The following TNFRSF18 variants were observed in gnomAD, a reference collection of about 807,000 sequenced individuals.
TNFRSF18 encodes TNF receptor superfamily member 18, also known as tumor necrosis factor receptor superfamily member 18.
A neutral mutation model predicts 30.2 loss-of-function variants in TNFRSF18; 36 were observed. The observed-to-expected ratio is 1.19, with a 90% confidence interval of 0.91 to 1.58. The LOEUF (loss-of-function observed/expected upper bound fraction) is 1.58, where lower values mean the gene tolerates loss of function less well. TNFRSF18 is among the 40% of genes most tolerant of loss of function. The probability of loss-of-function intolerance (pLI) is 0.00; values close to 1 mark genes in which losing one functional copy is unlikely to be tolerated. For synonymous variants in TNFRSF18, 173 were observed against 158.3 expected (o/e 1.09, Z -0.70); for missense variants, 369 against 345.4 (o/e 1.07, Z -0.54).
At chr1:1,205,322 T>C (rs1648761816) in intron 2 of TNFRSF18, 48 bp downstream of exon 2, 2 of 1,590,548 alleles carry the variant, frequency 1.3e-6, no homozygotes, top group Non-Finnish European at 1.7e-6. Flanking sequence ...CGGGCCCTAG[T>C]GGAACCCCTG....
rs144800430 is a variant in TNFRSF18 at position 1,203,871 on chromosome 1, C to A, written c.699G>T (p.Lys233Asn). ...EERGERSAEE[K>N]GRLGDLWV ...ACACCCACAGGTCTCCCAGCCGCCC[C>A]TTCTCCTCTGCCGATCGCTCGCCCC... Residue 233 changes from lysine (K) to asparagine (N), a missense_variant, in exon 5 of 5, where the codon AAG becomes AAT. Transcript: ENST00000379268. 1.2e-6 allele frequency: 2 copies of A among 1,601,288 alleles called. No homozygotes were observed. Among genetic ancestry groups the A allele is most frequent in the East Asian group, 2.2e-5 (1 of 44,630 alleles).
At position 1,206,470 on chromosome 1, in the gene TNFRSF18, G is replaced by A. The variant is rs1262875947; in HGVS notation, c.102C>T (p.Cys34=). 5.2e-6 allele frequency: 8 copies of A among 1,546,284 alleles called. No homozygotes were observed. The highest frequency in any genetic ancestry group is 3.6e-5 in the South Asian group (3 of 83,900). ...LGQRPTGGPG[C]GPGRLLLGTG... ...TCCCAAGCAGGAGGCGCCCAGGGCC[G>A]CACCCGGGACCCCCGGTGGGGCGCT... Residue 34 remains cysteine, a synonymous_variant, in exon 1 of 5, where the codon TGC becomes TGT. Coordinates refer to ENST00000379268, the MANE Select transcript of TNFRSF18 (RefSeq NM_004195.3).
intron 1 of TNFRSF18, 93 bp downstream of exon 1, chr1:1,206,292 G>A (rs1192169725): frequency 6.3e-6 from 9 of 1,424,094 alleles, no homozygotes; most frequent in Non-Finnish European, 6.6e-6. Flanking sequence ...CCTCAGCAAC[G>A]CCGGTCTGAG....
rs767908776 is a variant in TNFRSF18, at chr1:1,206,316, G to A, written c.187+69C>T. 2.7e-6 allele frequency: 4 copies of A among 1,504,540 alleles called. No individual in the cohort carries two copies. In the African/African-American group the frequency reaches 4.2e-5, roughly 16 times the overall value. The allele number at this position is 1,504,540 out of a possible 1,614,324, so 93.2% of individuals were successfully genotyped here. A position where few individuals can be genotyped will look rare whatever the true frequency, so the allele number is the denominator to read the frequency against. On this transcript the variant is annotated intron_variant, in intron 1 of 4. Coordinates refer to ENST00000379268, the MANE Select transcript of TNFRSF18 (RefSeq NM_004195.3). The stretch of plus-strand genomic sequence containing the variant: ...CGCCGGTCTGAGCACGGGAAGGGGG[G>A]CGCCCACCCATCCCGGCTTCCGCGG...
chr1:1,205,670 C>T (rs570460766), intron 1 of TNFRSF18, 178 bp from the exon 2 acceptor site: 2 of 673,702 alleles, frequency 3.0e-6, no homozygotes, highest in African/African-American at 3.6e-5. Flanking sequence ...GTCTCTTTCT[C>T]CTGGGGCCAT....
Position 1,206,536 on chromosome 1 carries a change from G to T in TNFRSF18, c.36C>A (p.Ala12=). The T allele has an allele frequency of 6.6e-7, 1 of 1,524,834 alleles. No homozygotes were observed. Among genetic ancestry groups the T allele is most frequent in the Non-Finnish European group, 8.8e-7 (1 of 1,139,276 alleles). The allele number at this position is 1,524,834 out of a possible 1,614,324, so 94.5% of individuals were successfully genotyped here. A position where few individuals can be genotyped will look rare whatever the true frequency, so the allele number is the denominator to read the frequency against. ...AQHGAMGAFR[A]LCGLALLCAL... is the part of the protein sequence containing the mutation. ...CGCACAGCAGCGCCAGGCCGCACAGGGCCCGAAACGCGCCCATCGCCCCGT... is the reference window on the plus strand; with the variant it reads ...CGCACAGCAGCGCCAGGCCGCACAGTGCCCGAAACGCGCCCATCGCCCCGT... The change falls in exon 1 of 5, where the codon GCC becomes GCA. Residue 12 remains alanine, a synonymous_variant. Transcript: ENST00000379268.
In TNFRSF18 at chr1:1,205,410, C is replaced by A; in HGVS notation, c.270G>T (p.Arg90=). ...HCGDPCCTTC[R]HHPCPPGQGV... ...CCTGGCCTGGGGGACAAGGGTGGTG[C>A]CGGCAGGTCGTGCAGCAAGGGTCTC... Residue 90 remains arginine (R), a synonymous_variant, in exon 2 of 5, where the codon CGG becomes CGT. Coordinates refer to ENST00000379268, the MANE Select transcript of TNFRSF18 (RefSeq NM_004195.3). 1 of 1,612,628 alleles carries A rather than the reference C, an allele frequency of 6.2e-7. No homozygotes were observed. The highest frequency in any genetic ancestry group is 8.5e-7 in the Non-Finnish European group (1 of 1,179,838).
In TNFRSF18 at chr1:1,203,805, G is replaced by T. The variant is rs373559924; in HGVS notation, c.*39C>A. ...TGCGGCCTGGGGAGCTCCTGGGGAG[G>T]GGCTGGCTGCGGTCGGTGGCCCCGG... is the stretch of plus-strand genomic sequence containing the variant. On this transcript the variant is annotated 3_prime_UTR_variant, in exon 5 of 5. Transcript: ENST00000379268. 3.2e-6 allele frequency: 5 copies of T among 1,575,144 alleles called. No individual in the cohort carries two copies. The highest frequency in any genetic ancestry group is 4.3e-6 in the Non-Finnish European group (5 of 1,166,908).
Position 1,204,234 on chromosome 1 carries a change from C to T in TNFRSF18, c.401G>A (p.Cys134Tyr). The T allele has an allele frequency of 6.2e-7, 1 of 1,610,204 alleles. No homozygotes were observed. Among genetic ancestry groups the T allele is most frequent in the African/African-American group, 1.3e-5 (1 of 74,992 alleles). ...HEGHCKPWTDCTQFGFLTVFP... is the reference protein window; with the variant it reads ...HEGHCKPWTDYTQFGFLTVFP... ...CACAGTGAGAAACCCGAACTGGGTGCAGCTGGAATACATGGACGCGGCCTC... is the reference window on the plus strand; with the variant it reads ...CACAGTGAGAAACCCGAACTGGGTGTAGCTGGAATACATGGACGCGGCCTC... Residue 134 changes from cysteine (C) to tyrosine (Y), a missense_variant and splice_region_variant, in exon 4 of 5, where the codon TGC becomes TAC. By Grantham distance (194) the Cys-to-Tyr change is radical. Coordinates refer to ENST00000379268, the MANE Select transcript of TNFRSF18 (RefSeq NM_004195.3).
chr1:1,204,588 G>T, intron 2 of TNFRSF18, 102 bp from the exon 3 acceptor site: 1 of 855,664 alleles, frequency 1.2e-6, no homozygotes, highest in Non-Finnish European at 1.9e-6. Context: ...TGGGGTCTGG[G>T]TGCTGAGTAG....
chr1:1,203,824 G>T lies in TNFRSF18; in HGVS notation c.*20C>A. On this transcript the variant is annotated 3_prime_UTR_variant, in exon 5 of 5. Coordinates refer to ENST00000379268, the MANE Select transcript of TNFRSF18 (RefSeq NM_004195.3). Reference sequence around the variant, plus strand: ...GGGGAGGGGCTGGCTGCGGTCGGTGGCCCCGGAGGACGGCCAGGCTCACAC... The same window carrying T: ...GGGGAGGGGCTGGCTGCGGTCGGTGTCCCCGGAGGACGGCCAGGCTCACAC... 1 of 1,584,316 alleles carries T rather than the reference G, an allele frequency of 6.3e-7. No individual in the cohort carries two copies.
In TNFRSF18 at chr1:1,206,556, C is replaced by T; in HGVS notation, c.16G>A (p.Ala6Thr). 2 of 1,514,232 alleles carry T rather than the reference C, an allele frequency of 1.3e-6. No individual in the cohort carries two copies. The highest frequency in any genetic ancestry group is 1.3e-5 in the South Asian group (1 of 77,654). 93.8% of individuals were successfully genotyped at this position (1,514,232 alleles called of 1,614,324 possible). ...CACAGGGCCCGAAACGCGCCCATCG[C>T]CCCGTGCTGTGCCATGCTCGGGTTT... MAQHG[A>T]MGAFRALCGL... is the part of the protein sequence containing the mutation. Residue 6 changes from alanine (A) to threonine (T), a missense_variant, in exon 1 of 5, where the codon GCG (alanine) becomes ACG (threonine). Coordinates refer to ENST00000379268, the MANE Select transcript of TNFRSF18 (RefSeq NM_004195.3).
At chr1:1,205,576 G>A (rs1648784140) in intron 1 of TNFRSF18, 84 bp from the exon 2 acceptor site, 5 of 1,459,608 alleles carry the variant, frequency 3.4e-6, no homozygotes, top group Non-Finnish European at 4.7e-6. Flanking sequence ...CCAGGGGAGT[G>A]AGGTTGTCCG....
rs749468733 is a variant in TNFRSF18, at chr1:1,203,797, C to T, written c.*47G>A. ...AGAGCCCCTGCGGCCTGGGGAGCTC[C>T]TGGGGAGGGGCTGGCTGCGGTCGGT... On this transcript the variant is annotated 3_prime_UTR_variant, in exon 5 of 5. Coordinates refer to ENST00000379268, the MANE Select transcript of TNFRSF18 (RefSeq NM_004195.3). The T allele has an allele frequency of 1.9e-6, 3 of 1,573,356 alleles. No individual in the cohort carries two copies. Among genetic ancestry groups the T allele is most frequent in the Admixed American group, 1.8e-5 (1 of 56,150 alleles).
intron 1 of TNFRSF18, 131 bp downstream of exon 1, chr1:1,206,254 T>C (rs1648820085): frequency 9.4e-7 from 1 of 1,063,806 alleles, no homozygotes; most frequent in Admixed American, 2.9e-5. Context: ...CTCCCGCTGC[T>C]GGCGGCTCTG....
intron 1 of TNFRSF18, 142 bp downstream of exon 1, chr1:1,206,243 G>C (rs565533442): frequency 1.0e-6 from 1 of 971,174 alleles, no homozygotes; most frequent in Non-Finnish European, 1.5e-6. Context: ...CCTCCGGAAG[G>C]CTCCCGCTGC....
Position 1,204,049 on chromosome 1 carries a change from A to T in TNFRSF18, c.586T>A (p.Cys196Ser). Reference protein sequence around the residue: ...GLHIWQLRSQCMWPRETQLLL... With the variant: ...GLHIWQLRSQSMWPRETQLLL... The stretch of plus-strand genomic sequence containing the variant: ...TGTGACAGACCTCGGGGCCACATGC[A>T]CTGACTCCTCAGCTGCCAGATGTGC... Residue 196 changes from cysteine to serine, a missense_variant, in exon 4 of 5, where the codon TGC (cysteine) becomes AGC (serine). Cys to Ser is a moderately radical substitution (Grantham distance 112). Coordinates refer to ENST00000379268, the MANE Select transcript of TNFRSF18 (RefSeq NM_004195.3). 1 of 1,606,208 alleles carries T rather than the reference A, an allele frequency of 6.2e-7. No homozygotes were observed. Among genetic ancestry groups the T allele is most frequent in the Non-Finnish European group, 8.5e-7 (1 of 1,177,266 alleles).
In TNFRSF18 at chr1:1,204,176, G is replaced by T. The variant is rs775051747; in HGVS notation, c.459C>A (p.Cys153Ter). ...GCTCTGCCGGCGGGGACCCTGGGAC[G>T]CACACAGCGTTGTGGGTCTTGTTCC... ...FPGNKTHNAVCVPGSPPAEPL... is the reference protein window; with the variant it reads ...FPGNKTHNAV Residue 153 changes from cysteine (C) to a stop codon, truncating the protein, a stop_gained, in exon 4 of 5, where the codon TGC becomes TGA. Coordinates refer to ENST00000379268, the MANE Select transcript of TNFRSF18 (RefSeq NM_004195.3). LOFTEE classifies it high-confidence loss of function. 1.2e-6 allele frequency: 2 copies of T among 1,611,810 alleles called. No individual in the cohort carries two copies. Among genetic ancestry groups the T allele is most frequent in the African/African-American group, 2.7e-5 (2 of 74,938 alleles).
At chr1:1,204,572 T>A (rs1648720983) in intron 2 of TNFRSF18, 86 bp from the exon 3 acceptor site, 3 of 1,041,766 alleles carry the variant, frequency 2.9e-6, no homozygotes, top group Non-Finnish European at 4.4e-6. Context: ...AGTGCAGGGG[T>A]CCATCTGGGG....
Sources: gnomAD v4.1 joint callset for allele counts on GRCh38, gnomAD v4.1.1 for gene constraint, MANE v1.5 for transcripts, NCBI Gene and HGNC (gene_info 2026-07-23, HGNC 2026-07-21) for gene names.